CCDC15: variants seen among roughly 807,000 people sequenced by gnomAD.
CCDC15 encodes the protein coiled-coil domain-containing protein 15.
Under a neutral mutation model 114.5 loss-of-function variants are expected in CCDC15, and 105 were observed. That is an observed-to-expected ratio of 0.92 (90% confidence interval 0.78 to 1.08). The LOEUF is 1.08. Ranked by LOEUF, CCDC15 falls within the 50% of genes least tolerant of loss-of-function variation. CCDC15 has a pLI of 0.00. For synonymous variants in CCDC15, 334 were observed against 377.8 expected (o/e 0.88, Z 1.34); for missense variants, 1,105 against 1,093.6 (o/e 1.01, Z -0.15).
At chr11:124,981,885 T>G (rs1948078253) in intron 6 of CCDC15, among the ~76,000 whole-genome samples, 1 of 152,192 alleles carries the variant, frequency 6.6e-6, no homozygotes. Flanking sequence ...CTTCCCACGG[T>G]GCTGGGATTA....
chr11:125,030,646 T>G (rs1244286781), intron 13 of CCDC15, among the ~76,000 whole-genome samples: 1 of 152,172 alleles, frequency 6.6e-6, no homozygotes, highest in Non-Finnish European at 1.5e-5. Flanking sequence ...CCCTGAGGAA[T>G]GGTGCCATAT....
intron 3 of CCDC15, among the ~76,000 whole-genome samples, chr11:124,959,604 C>T (rs1947620416): frequency 6.6e-6 from 1 of 152,120 alleles, no homozygotes; most frequent in Non-Finnish European, 1.5e-5. Context: ...GGATATGATA[C>T]TTCTCTCATA....
At chr11:125,019,717 G>T (rs2135535032) in intron 13 of CCDC15, among the ~76,000 whole-genome samples, 1 of 152,076 alleles carries the variant, frequency 6.6e-6, no homozygotes, top group Non-Finnish European at 1.5e-5. Context: ...AAACAGATTT[G>T]CCAGGAAGGT....
intron 8 of CCDC15, among the ~76,000 whole-genome samples, chr11:124,989,619 G>A (rs562697368): frequency 5.7e-4 from 87 of 152,320 alleles, no homozygotes; most frequent in Admixed American, 5.7e-3. Context: ...CTGTTGTCCA[G>A]TGTAGCCACC....
At chr11:125,000,857 C>A (rs1392912913) in intron 11 of CCDC15, among the ~76,000 whole-genome samples, 1 of 152,114 alleles carries the variant, frequency 6.6e-6, no homozygotes, top group Non-Finnish European at 1.5e-5. Context: ...AGGGGAGATA[C>A]CAGGGGTAGA....
At chr11:124,992,487 C>T in intron 9 of CCDC15, 93 bp from the exon 10 acceptor site, 4 of 715,434 alleles carry the variant, frequency 5.6e-6, no homozygotes. Context: ...GGTTTCATTT[C>T]TCTGGAGTTT....
At chr11:124,977,728 C>G in intron 6 of CCDC15, 128 bp downstream of exon 6, 1 of 901,904 alleles carries the variant, frequency 1.1e-6, no homozygotes, top group African/African-American at 1.7e-5. Flanking sequence ...AGATATAATT[C>G]ATATACCATA....
chr11:124,967,703 A>C (rs945653658), intron 4 of CCDC15, among the ~76,000 whole-genome samples: 1 of 152,150 alleles, frequency 6.6e-6, no homozygotes, highest in Admixed American at 6.6e-5. Flanking sequence ...CCTTTGGAGG[A>C]GAAGAAGTGC....
intron 5 of CCDC15, among the ~76,000 whole-genome samples, chr11:124,976,953 A>G (rs1228554628): frequency 6.6e-6 from 1 of 152,158 alleles, no homozygotes; most frequent in Admixed American, 6.5e-5. Flanking sequence ...GAATGATCTA[A>G]GAAATTGGTG....
rs150039064 is a variant in CCDC15, at chr11:124,977,809, G to C, written c.753+209G>C. 4.6e-5 allele frequency among the ~76,000 whole-genome samples: 7 copies of C among 152,174 alleles called. No individual in the cohort carries two copies. In the East Asian group the frequency reaches 1.3e-3, roughly 29 times the overall value. Reference sequence around the variant, plus strand: ...ACAGTTTGCACAGGGTTGTGCAACTGTTACCACAATCTAATTTAGAGCATT... The same window carrying C: ...ACAGTTTGCACAGGGTTGTGCAACTCTTACCACAATCTAATTTAGAGCATT... On this transcript the variant is annotated intron_variant, in intron 6 of 15. Transcript: ENST00000344762.
chr11:125,026,811 A>G (rs1159063245), intron 13 of CCDC15, among the ~76,000 whole-genome samples: 1 of 152,036 alleles, frequency 6.6e-6, no homozygotes, highest in African/African-American at 2.4e-5. Context: ...TTTAGTGATG[A>G]TTTCCGAGAT....
chr11:124,999,438 T>C (rs553329731), intron 11 of CCDC15, among the ~76,000 whole-genome samples: 13 of 152,168 alleles, frequency 8.5e-5, no homozygotes, highest in Non-Finnish European at 1.6e-4. Flanking sequence ...AGATGCATCA[T>C]TTACATGCTG....
intron 4 of CCDC15, among the ~76,000 whole-genome samples, chr11:124,974,011 G>A (rs895108728): frequency 2.0e-5 from 3 of 152,052 alleles, no homozygotes; most frequent in Non-Finnish European, 4.4e-5. Flanking sequence ...TGGAGTCTCT[G>A]TTGCCCAGGC....
rs910499636 is a variant in CCDC15, at chr11:124,987,929, G to A, written c.1703G>A (p.Gly568Asp). Residue 568 changes from glycine to aspartate, a missense_variant, in exon 8 of 16, where the codon GGT becomes GAT. Physicochemically the swap from Gly to Asp is moderately conservative, Grantham distance 94 (BLOSUM62 -1). Coordinates refer to ENST00000344762, the MANE Select transcript of CCDC15 (RefSeq NM_025004.3). ...QDQDFLPRDQ[G>D]VLPKDQNILP... ...CAGGATTTTCTACCCAGAGACCAAG[G>A]TGTTCTTCCCAAAGACCAAAATATT... The A allele has an allele frequency of 4.3e-6, 7 of 1,613,234 alleles. No homozygotes were observed. Among genetic ancestry groups the A allele is most frequent in the Non-Finnish European group, 5.9e-6 (7 of 1,179,710 alleles).
At chr11:125,010,977 A>C (rs1282240241) in intron 13 of CCDC15, among the ~76,000 whole-genome samples, 2 of 152,002 alleles carry the variant, frequency 1.3e-5, no homozygotes, top group Non-Finnish European at 2.9e-5. Flanking sequence ...GTGTATAGTA[A>C]AGGTAGGGGT....
chr11:124,968,545 T>TC (rs1178877620), intron 4 of CCDC15, among the ~76,000 whole-genome samples: 2 of 152,156 alleles, frequency 1.3e-5, no homozygotes, highest in Non-Finnish European at 2.9e-5. Context: ...GTCCCGATTT[T>TC]CCAGGTACCA....
At chr11:124,968,290 T>C (rs1016962248) in intron 4 of CCDC15, among the ~76,000 whole-genome samples, 2 of 152,224 alleles carry the variant, frequency 1.3e-5, no homozygotes, top group Admixed American at 6.5e-5. Flanking sequence ...ACAGGCCTCG[T>C]TGAGCTGCAG....
At chr11:124,988,559 G>A (rs973798696) in intron 8 of CCDC15, among the ~76,000 whole-genome samples, 1 of 152,020 alleles carries the variant, frequency 6.6e-6, no homozygotes, top group Non-Finnish European at 1.5e-5. Flanking sequence ...AGATGATGAA[G>A]TTTGCCACAT....
Position 124,986,733 on chromosome 11 carries a change from T to C in CCDC15, c.754-9T>C. On this transcript the variant is annotated splice_polypyrimidine_tract_variant and intron_variant, in intron 6 of 15. Transcript: ENST00000344762. ...CGCGCGTGCGCGTTTTCATTGTTTT[T>C]TTCTTTAGGAACTTGACTATGAGGA... 1 of 1,528,008 alleles carries C rather than the reference T, an allele frequency of 6.5e-7. No individual in the cohort carries two copies. Among genetic ancestry groups the C allele is most frequent in the Non-Finnish European group, 8.8e-7 (1 of 1,136,840 alleles). The allele number at this position is 1,528,008 out of a possible 1,614,324, so 94.7% of individuals were successfully genotyped here. A position where few individuals can be genotyped will look rare whatever the true frequency, so the allele number is the denominator to read the frequency against.
Sources: allele counts gnomAD v4.1 joint callset (sites outside exome capture counted in the v4.1 genomes callset), GRCh38; gene constraint gnomAD v4.1.1; transcripts MANE v1.5; gene names NCBI Gene and HGNC (gene_info 2026-07-23, HGNC 2026-07-21).